The following USP34 variants were observed in gnomAD, a reference collection of about 807,000 sequenced individuals.
USP34 encodes ubiquitin specific peptidase 34, also known as ubiquitin carboxyl-terminal hydrolase 34.
USP34 carries 70 observed loss-of-function variants against 460.3 expected under a neutral mutation model. The observed-to-expected ratio is 0.15, with a 90% confidence interval of 0.13 to 0.19. The LOEUF is 0.19. USP34 is among the 10% of genes least tolerant of loss of function. The probability of loss-of-function intolerance (pLI) is 1.00; values close to 1 mark genes in which losing one functional copy is unlikely to be tolerated. For synonymous variants in USP34, 1,647 were observed against 1,405.3 expected (o/e 1.17, Z -3.85); for missense variants, 3,985 against 4,236.2 (o/e 0.94, Z 1.65).
At chr2:61,206,605 T>C (rs1687127692) in intron 71 of USP34, among the ~76,000 whole-genome samples, 155 bp downstream of exon 71, 1 of 152,220 alleles carries the variant, frequency 6.6e-6, no homozygotes, top group South Asian at 2.1e-4. Flanking sequence ...CATCAGGAGT[T>C]CATGACAAAC....
At chr2:61,315,642 T>TTTC (rs1364022269) in intron 23 of USP34, among the ~76,000 whole-genome samples, 1 of 151,752 alleles carries the variant, frequency 6.6e-6, no homozygotes, top group African/African-American at 2.4e-5. Flanking sequence ...CTCAAAGAGG[T>TTTC]GGAATTACAG....
intron 20 of USP34, among the ~76,000 whole-genome samples, chr2:61,328,748 T>C (rs1013588953): frequency 1.3e-5 from 2 of 152,310 alleles, no homozygotes; most frequent in African/African-American, 2.4e-5. Context: ...CTGTTGTCAA[T>C]GCAGTGAACA....
At chr2:61,383,573 C>T (rs189133542) in intron 5 of USP34, among the ~76,000 whole-genome samples, 162 of 151,842 alleles carry the variant, frequency 1.1e-3, no homozygotes, top group African/African-American at 3.7e-3. Flanking sequence ...CATGGTGGCG[C>T]GCACCTGTAG....
chr2:61,397,060 TATCTC>T (rs1166421351), intron 3 of USP34, among the ~76,000 whole-genome samples: 2 of 152,328 alleles, frequency 1.3e-5, no homozygotes, highest in African/African-American at 2.4e-5. Flanking sequence ...CGTTTGGAAA[TATCTC>T]AACTTTTTTT....
intron 10 of USP34, among the ~76,000 whole-genome samples, chr2:61,358,782 G>A (rs958077456): frequency 6.6e-6 from 1 of 152,164 alleles, no homozygotes; most frequent in African/African-American, 2.4e-5. Flanking sequence ...CAAGGAACAA[G>A]ATCAAAATGC....
chr2:61,323,696 T>C lies in USP34; in HGVS notation c.3013+1679A>G, dbSNP rs576877567. On this transcript the variant is annotated intron_variant, in intron 21 of 79. Coordinates refer to ENST00000398571, the MANE Select transcript of USP34 (RefSeq NM_014709.4). ...TCTGGACAGTAGCTATTGTCTATTG[T>C]AAATTCTCAGAGAATCTATACTGTG... 4.2e-4 allele frequency among the ~76,000 whole-genome samples: 64 copies of C among 152,268 alleles called. 1 individual carries two copies. In the South Asian group the frequency reaches 4.6e-3, roughly 11 times the overall value.
chr2:61,432,892 T>C (rs371917669), intron 1 of USP34, among the ~76,000 whole-genome samples: 5 of 152,112 alleles, frequency 3.3e-5, no homozygotes, highest in Admixed American at 1.3e-4. Flanking sequence ...ACATACCACA[T>C]AGCCAGAAAC....
At chr2:61,316,775 C>T (rs1311875372) in intron 23 of USP34, among the ~76,000 whole-genome samples, 1 of 150,156 alleles carries the variant, frequency 6.7e-6, no homozygotes, top group Non-Finnish European at 1.5e-5. Flanking sequence ...ATCCCAGATA[C>T]TTCGGGAAGC....
chr2:61,298,743 T>C (rs1690124819), intron 29 of USP34, among the ~76,000 whole-genome samples: 1 of 151,232 alleles, frequency 6.6e-6, no homozygotes, highest in Admixed American at 6.6e-5. Flanking sequence ...AGAAAAGAGC[T>C]CATTTTGCTG....
At chr2:61,386,302 A>G (rs779716408) in intron 5 of USP34, among the ~76,000 whole-genome samples, 6 of 152,208 alleles carry the variant, frequency 3.9e-5, no homozygotes, top group Non-Finnish European at 7.3e-5. Context: ...GTAGAACTAC[A>G]GAACAAAGAA....
intron 3 of USP34, among the ~76,000 whole-genome samples, chr2:61,398,307 C>A (rs1693599589): frequency 1.3e-5 from 2 of 151,698 alleles, no homozygotes; most frequent in Non-Finnish European, 2.9e-5. Context: ...GTCTAGGCTG[C>A]AATGAGCCAT....
In USP34 at chr2:61,368,969, C is replaced by T. The variant is rs1003713759; in HGVS notation, c.1251+1352G>A. Among the ~76,000 whole-genome samples, 8 of 151,964 alleles carry T rather than the reference C, an allele frequency of 5.3e-5. No homozygotes were observed. In the East Asian group the frequency reaches 9.6e-4, roughly 18 times the overall value. ...ATCAACTTCAGTGACACATAAAGAA[C>T]TCCTACAAATAAAAAAAATAAGAAA... On this transcript the variant is annotated intron_variant, in intron 10 of 79. Transcript: ENST00000398571.
Position 61,324,641 on chromosome 2 carries a change from G to A in USP34, c.3013+734C>T, listed in dbSNP as rs56829387. 1.3e-4 allele frequency among the ~76,000 whole-genome samples: 20 copies of A among 152,100 alleles called. 1 individual carries two copies. Among genetic ancestry groups the A allele is most frequent in the African/African-American group, 4.8e-4 (20 of 41,468 alleles). ...TTTAAAAAAATTAGCTGGCTATGGT[G>A]GTGCATAGTCCCACGTTACTGAGGA... On this transcript the variant is annotated intron_variant, in intron 21 of 79. Transcript: ENST00000398571.
In USP34 at chr2:61,420,825, C is replaced by A. The variant is rs1055026914; in HGVS notation, c.52G>T (p.Val18Leu). 6 of 1,605,310 alleles carry A rather than the reference C, an allele frequency of 3.7e-6. No individual in the cohort carries two copies. The highest frequency in any genetic ancestry group is 5.1e-6 in the Non-Finnish European group (6 of 1,176,412). Residue 18 changes from valine to leucine, a missense_variant, in exon 2 of 80, where the codon GTA (valine) becomes TTA (leucine). Physicochemically the swap from Val to Leu is conservative, Grantham distance 32. This residue lies in a region of USP34 where 331 missense variants were observed against 293.7 expected (regional missense o/e 1.13). Coordinates refer to ENST00000398571, the MANE Select transcript of USP34 (RefSeq NM_014709.4). ...AGCTGCAGTCCATCACCACCTTCTA[C>A]ATCTGATACTGAAATAAAAAAGAAA... ...LVEVLNEISD[V>L]EGGDGLQLRK...
chr2:61,217,786 C>T (rs1687444724), intron 67 of USP34, among the ~76,000 whole-genome samples: 1 of 152,050 alleles, frequency 6.6e-6, no homozygotes, highest in African/African-American at 2.4e-5. Context: ...AACCCCGTCT[C>T]TACTAAAAAT....
At chr2:61,197,439 A>G (rs529941156) in intron 75 of USP34, among the ~76,000 whole-genome samples, 1 of 152,282 alleles carries the variant, frequency 6.6e-6, no homozygotes, top group East Asian at 1.9e-4. Context: ...AATTCATTCC[A>G]AAGTCAGTAT....
chr2:61,419,816 T>C (rs1302883992), intron 2 of USP34, among the ~76,000 whole-genome samples: 1 of 152,190 alleles, frequency 6.6e-6, no homozygotes, highest in Non-Finnish European at 1.5e-5. Flanking sequence ...TATTATGCAA[T>C]ATTCATCTAG....
intron 27 of USP34, among the ~76,000 whole-genome samples, chr2:61,302,798 TTTTTG>T (rs1351543010): frequency 3.3e-5 from 5 of 152,158 alleles, no homozygotes; most frequent in African/African-American, 9.7e-5. Flanking sequence ...TCCCAGGACT[TTTTTG>T]TTTTTTCTTT....
chr2:61,228,278 C>A (rs917182811), intron 61 of USP34, among the ~76,000 whole-genome samples: 1 of 152,048 alleles, frequency 6.6e-6, no homozygotes, highest in Non-Finnish European at 1.5e-5. Flanking sequence ...ATTCATAGAC[C>A]ACCTACTTAA....
Sources: allele counts gnomAD v4.1 joint callset (sites outside exome capture counted in the v4.1 genomes callset), GRCh38; gene constraint gnomAD v4.1.1; regional missense constraint gnomAD v4.1.1; transcripts MANE v1.5; gene names NCBI Gene and HGNC (gene_info 2026-07-23, HGNC 2026-07-21).